Variants in PRKX observed in about 807,000 individuals in gnomAD.
The protein encoded by PRKX is cAMP-dependent protein kinase catalytic subunit PRKX.
A neutral mutation model predicts 22.0 loss-of-function variants in PRKX; 12 were observed. That is an observed-to-expected ratio of 0.54 (90% CI 0.35 to 0.88). The LOEUF (loss-of-function observed/expected upper bound fraction) is 0.88, where lower values mean the gene tolerates loss of function less well. Ranked by LOEUF, PRKX falls within the 40% of genes least tolerant of loss-of-function variation. PRKX has a pLI of 0.01. For missense variants in PRKX, 217 were observed against 308.0 expected (o/e 0.70, Z 2.21); for synonymous variants, 134 against 137.7 (o/e 0.97, Z 0.19).
chrX:3,657,992 TTTTG>T (rs896073802), intron 2 of PRKX, among the ~76,000 whole-genome samples: 5 of 110,974 alleles, frequency 4.5e-5, no homozygotes, highest in South Asian at 7.7e-4. Flanking sequence ...GCTTTGGGAT[TTTTG>T]TTTGTTTGTT....
intron 8 of PRKX, among the ~76,000 whole-genome samples, chrX:3,609,561 C>A (rs1971814733): frequency 9.0e-6 from 1 of 111,079 alleles, no homozygotes; most frequent in Non-Finnish European, 1.9e-5. Flanking sequence ...CCCAAGCGAG[C>A]CTCTCACCTC....
intron 3 of PRKX, among the ~76,000 whole-genome samples, chrX:3,653,981 T>C (rs1438050831): frequency 1.3e-5 from 1 of 79,229 alleles, no homozygotes; most frequent in African/African-American, 5.3e-5. Flanking sequence ...GATATATATA[T>C]TATATATATT....
intron 2 of PRKX, among the ~76,000 whole-genome samples, chrX:3,661,479 G>C (rs1257898804): frequency 1.8e-5 from 2 of 110,158 alleles, no homozygotes; most frequent in Admixed American, 9.8e-5. Context: ...TGGTTGTGCA[G>C]GCCTGTAGTC....
rs112641655 is a variant in PRKX at position 3,684,690 on chromosome X, G to A, written c.167-9924C>T. 6.8e-3 allele frequency among the ~76,000 whole-genome samples: 757 copies of A among 111,347 alleles called. 7 individuals are homozygous for A. The highest frequency in any genetic ancestry group is 0.024 in the African/African-American group (735 of 30,420). On this transcript the variant is annotated intron_variant, in intron 1 of 8. Transcript: ENST00000262848. ...TGGAGGCTGGAAGTCGGAGACCCAG[G>A]TGTGGGCAGGGCTGGTTCCTCCTGA...
chrX:3,676,534 C>T (rs1927959681), intron 1 of PRKX, among the ~76,000 whole-genome samples: 2 of 112,208 alleles, frequency 1.8e-5, no homozygotes, highest in African/African-American at 3.2e-5. Flanking sequence ...GGTACATATA[C>T]ACGATGGAAT....
chrX:3,620,743 G>A (rs1264943024), intron 6 of PRKX, among the ~76,000 whole-genome samples: 1 of 112,208 alleles, frequency 8.9e-6, no homozygotes, highest in Non-Finnish European at 1.9e-5. Context: ...CTGGCTTAGG[G>A]CAAGAGAGGA....
At chrX:3,655,480 G>A in intron 2 of PRKX, 68 bp from the exon 3 acceptor site, 3 of 1,156,261 alleles carry the variant, frequency 2.6e-6, no homozygotes, top group South Asian at 1.9e-5. Context: ...CGTCAGCTAG[G>A]TGTTGGGGTA....
chrX:3,681,332 A>C (rs1928068644), intron 1 of PRKX, among the ~76,000 whole-genome samples: 1 of 110,838 alleles, frequency 9.0e-6, no homozygotes, highest in Non-Finnish European at 1.9e-5. Flanking sequence ...CAGCCAGGGC[A>C]ACATAGTGAG....
At chrX:3,644,666 C>T (rs1201936896) in intron 3 of PRKX, among the ~76,000 whole-genome samples, 1 of 111,512 alleles carries the variant, frequency 9.0e-6, no homozygotes, top group African/African-American at 3.3e-5. Context: ...CTGCCCTGCC[C>T]AGCAGTTGAA....
In PRKX at chrX:3,699,709, A is replaced by G. The variant is rs147757875; in HGVS notation, c.166+13379T>C. Among the ~76,000 whole-genome samples the G allele has an allele frequency of 6.8e-3, 767 of 112,522 alleles. 9 individuals are homozygous for G. The highest frequency in any genetic ancestry group is 0.023 in the African/African-American group (727 of 31,022). On this transcript the variant is annotated intron_variant, in intron 1 of 8. Transcript: ENST00000262848. Reference sequence around the variant, plus strand: ...TCCATCCCAGGTCACACACTTGCCCACCATCCCACAACTTCCAAAGTTCTA... The same window carrying G: ...TCCATCCCAGGTCACACACTTGCCCGCCATCCCACAACTTCCAAAGTTCTA...
intron 4 of PRKX, among the ~76,000 whole-genome samples, chrX:3,637,553 C>A (rs747114690): frequency 1.8e-5 from 2 of 110,967 alleles, no homozygotes; most frequent in Admixed American, 9.6e-5. Flanking sequence ...TGGTAACTCT[C>A]AAAACACCCA....
intron 1 of PRKX, among the ~76,000 whole-genome samples, chrX:3,676,352 C>G (rs756065671): frequency 9.0e-6 from 1 of 111,597 alleles, no homozygotes; most frequent in East Asian, 2.8e-4. Flanking sequence ...ATTTACCTAT[C>G]CATTCATTGG....
At chrX:3,677,815 A>G (rs1927995557) in intron 1 of PRKX, among the ~76,000 whole-genome samples, 1 of 112,172 alleles carries the variant, frequency 8.9e-6, no homozygotes, top group East Asian at 2.8e-4. Flanking sequence ...AGAAATAGAA[A>G]GTGAACTACA....
intron 1 of PRKX, among the ~76,000 whole-genome samples, chrX:3,689,742 C>T (rs1484468619): frequency 1.8e-5 from 2 of 111,585 alleles, no homozygotes; most frequent in African/African-American, 6.5e-5. Flanking sequence ...CTTTGGGAGG[C>T]CAAGGCGGGC....
At chrX:3,684,702 C>A (rs774514164) in intron 1 of PRKX, among the ~76,000 whole-genome samples, 1 of 111,523 alleles carries the variant, frequency 9.0e-6, no homozygotes, top group East Asian at 2.8e-4. Context: ...GTGGGCAGGG[C>A]TGGTTCCTCC....
intron 4 of PRKX, among the ~76,000 whole-genome samples, chrX:3,636,067 G>T (rs1926880727): frequency 8.9e-6 from 1 of 112,588 alleles, no homozygotes; most frequent in Non-Finnish European, 1.9e-5. Flanking sequence ...CTCATTCCAT[G>T]AAAATAAAAT....
chrX:3,621,858 T>C (rs113838228), intron 5 of PRKX, among the ~76,000 whole-genome samples: 6 of 110,768 alleles, frequency 5.4e-5, no homozygotes, highest in African/African-American at 2.0e-4. Flanking sequence ...GGTGGGGAGG[T>C]TGGGCATACT....
chrX:3,705,264 G>A (rs183309683), intron 1 of PRKX, among the ~76,000 whole-genome samples: 7 of 111,518 alleles, frequency 6.3e-5, no homozygotes, highest in African/African-American at 2.0e-4. Flanking sequence ...ATAGTGGAAG[G>A]GGTGAGGGAG....
chrX:3,632,799 A>G (rs1251812700), intron 4 of PRKX, among the ~76,000 whole-genome samples: 1 of 112,300 alleles, frequency 8.9e-6, no homozygotes, highest in Non-Finnish European at 1.9e-5. Context: ...CCAAGTGGAG[A>G]ATAAATTCTC....
Sources: gnomAD v4.1 joint callset for allele counts (sites outside exome capture counted in the v4.1 genomes callset) on GRCh38, gnomAD v4.1.1 for gene constraint, MANE v1.5 for transcripts, NCBI Gene and HGNC (gene_info 2026-07-23, HGNC 2026-07-21) for gene names.